The following GRID2 variants were observed in gnomAD, a reference collection of about 807,000 sequenced individuals.
GRID2 encodes glutamate receptor ionotropic, delta-2.
Under a neutral mutation model 114.8 loss-of-function variants are expected in GRID2, and 33 were observed. The observed-to-expected ratio is 0.29, with a 90% CI of 0.22 to 0.38. The LOEUF is 0.38. GRID2 is among the 10% of genes least tolerant of loss of function. GRID2 has a pLI of 1.00. For missense variants in GRID2, 1,184 were observed against 1,257.7 expected (o/e 0.94, Z 0.89); for synonymous variants, 505 against 449.9 (o/e 1.12, Z -1.55).
chr4:93,229,352 C>A (rs1441859055), intron 7 of GRID2, among the ~76,000 whole-genome samples: 1 of 152,080 alleles, frequency 6.6e-6, no homozygotes, highest in African/African-American at 2.4e-5. Flanking sequence ...GTGGCCTGGG[C>A]CTTTTTGTTG....
At chr4:92,362,420 T>A (rs1728659160) in intron 1 of GRID2, among the ~76,000 whole-genome samples, 1 of 152,052 alleles carries the variant, frequency 6.6e-6, no homozygotes. Context: ...ACAAGCTCTG[T>A]TTATTCCAAA....
intron 2 of GRID2, among the ~76,000 whole-genome samples, chr4:92,684,389 A>G (rs1733801999): frequency 6.6e-6 from 1 of 151,980 alleles, no homozygotes; most frequent in African/African-American, 2.4e-5. Context: ...TGTACAGTGT[A>G]ATTTTATTAC....
At chr4:92,961,828 A>G (rs925782789) in intron 2 of GRID2, among the ~76,000 whole-genome samples, 3 of 151,028 alleles carry the variant, frequency 2.0e-5, no homozygotes, top group Non-Finnish European at 4.4e-5. Context: ...GTTTTCTCAC[A>G]ATTCTTGGAT....
chr4:92,335,199 C>T (rs187035463), intron 1 of GRID2, among the ~76,000 whole-genome samples: 1 of 152,284 alleles, frequency 6.6e-6, no homozygotes, highest in Non-Finnish European at 1.5e-5. Flanking sequence ...TCAAGCTACA[C>T]CCTTTGCAGA....
chr4:92,776,875 A>G (rs1738828385), intron 2 of GRID2, among the ~76,000 whole-genome samples: 1 of 152,092 alleles, frequency 6.6e-6, no homozygotes, highest in African/African-American at 2.4e-5. Context: ...AACTAAAGAA[A>G]TGCTTTTTCT....
rs181514001 is a variant in GRID2 at position 93,589,240 on chromosome 4, C to T, written c.2194-37029C>T. Among the ~76,000 whole-genome samples the T allele has an allele frequency of 9.8e-3, 1,394 of 142,048 alleles. 6 individuals are homozygous for T. Among genetic ancestry groups the T allele is most frequent in the Non-Finnish European group, 0.016 (1,046 of 66,484 alleles). The allele number at this position is 142,048 out of a possible 152,430, so 93.2% of individuals were successfully genotyped here. ...CAACAGTCCCCAGTGTGTGATGTTC[C>T]CTTTCCTGTGTCCATGTGATCTCAC... On this transcript the variant is annotated intron_variant, in intron 13 of 15. Transcript: ENST00000282020.
intron 8 of GRID2, among the ~76,000 whole-genome samples, chr4:93,322,536 A>T (rs562125642): frequency 7.9e-4 from 121 of 152,280 alleles, no homozygotes; most frequent in Admixed American, 3.5e-3. Context: ...TAGCAGCATG[A>T]TTTATAATCC....
rs1387159606 is a variant in GRID2, at chr4:93,608,781, T to A, written c.2194-17488T>A. ...GTGCCGCAATAAACATACGGGTGCA[T>A]GTGTCTTTATAGCAGCATGATTTAT... On this transcript the variant is annotated intron_variant, in intron 13 of 15. Transcript: ENST00000282020. 1.5e-5 allele frequency among the ~76,000 whole-genome samples: 2 copies of A among 137,024 alleles called. 1 individual carries two copies. Among genetic ancestry groups the A allele is most frequent in the Non-Finnish European group, 3.2e-5 (2 of 61,756 alleles). 89.9% of individuals were successfully genotyped at this position (137,024 alleles called of 152,430 possible).
chr4:92,384,415 T>A (rs1729768248), intron 1 of GRID2, among the ~76,000 whole-genome samples: 1 of 94,294 alleles, frequency 1.1e-5, no homozygotes, highest in Non-Finnish European at 2.0e-5. Context: ...GAAAGAAGTG[T>A]ACCTGTGTGT....
At chr4:93,717,039 A>C (rs1266605255) in intron 14 of GRID2, among the ~76,000 whole-genome samples, 1 of 152,122 alleles carries the variant, frequency 6.6e-6, no homozygotes, top group South Asian at 2.1e-4. Flanking sequence ...ATCAGCTTCA[A>C]TAATTAAAAG....
intron 12 of GRID2, among the ~76,000 whole-genome samples, chr4:93,509,238 T>C (rs1391609464): frequency 6.6e-6 from 1 of 151,956 alleles, no homozygotes; most frequent in African/African-American, 2.4e-5. Context: ...CAGGTAGAAA[T>C]AACAAGGCTA....
intron 4 of GRID2, among the ~76,000 whole-genome samples, chr4:93,136,232 T>TTGTGTGTGTGTGTGTG (rs3970984): frequency 3.5e-5 from 5 of 142,282 alleles, no homozygotes; most frequent in African/African-American, 1.3e-4. Flanking sequence ...CCAACAGTTA[T>TTGTGTGTGTGTGTGTG]TGTGTGTGTG....
chr4:93,235,599 G>A (rs1307484548), intron 7 of GRID2, among the ~76,000 whole-genome samples: 2 of 152,208 alleles, frequency 1.3e-5, no homozygotes, highest in East Asian at 1.9e-4. Flanking sequence ...TTATTTGCTC[G>A]AAATACTGAC....
At chr4:92,916,526 A>G (rs751926445) in intron 2 of GRID2, among the ~76,000 whole-genome samples, 11 of 151,814 alleles carry the variant, frequency 7.2e-5, no homozygotes, top group Non-Finnish European at 1.2e-4. Context: ...CCACCCCACA[A>G]CAGGCCCTCG....
intron 1 of GRID2, among the ~76,000 whole-genome samples, chr4:92,432,000 A>T (rs1732481021): frequency 6.6e-6 from 1 of 152,236 alleles, no homozygotes; most frequent in South Asian, 2.1e-4. Flanking sequence ...ACTTGTAGAG[A>T]TACCACTTTG....
intron 8 of GRID2, among the ~76,000 whole-genome samples, chr4:93,257,414 A>C (rs1181876500): frequency 6.6e-6 from 1 of 151,762 alleles, no homozygotes; most frequent in Non-Finnish European, 1.5e-5. Flanking sequence ...GAAAACCAAA[A>C]ATTTATTGAT....
At chr4:92,694,857 C>T (rs909894335) in intron 2 of GRID2, among the ~76,000 whole-genome samples, 1 of 152,186 alleles carries the variant, frequency 6.6e-6, no homozygotes, top group Non-Finnish European at 1.5e-5. Flanking sequence ...GTCTGTCAAA[C>T]ATTCAGTAAA....
At chr4:92,464,460 T>C (rs1352674363) in intron 1 of GRID2, among the ~76,000 whole-genome samples, 1 of 152,118 alleles carries the variant, frequency 6.6e-6, no homozygotes, top group Non-Finnish European at 1.5e-5. Flanking sequence ...CTTTTTGCTC[T>C]ACCCACTTTA....
intron 14 of GRID2, among the ~76,000 whole-genome samples, chr4:93,726,627 TTCTTCCATTTGTTTGTATCC>T (rs1465596333): frequency 4.6e-5 from 7 of 152,242 alleles, no homozygotes; most frequent in African/African-American, 1.7e-4. Flanking sequence ...GCATGGAATG[TTCTTCCATTTGTTTGTATCC>T]TCTTTTATCT....
Sources: gnomAD v4.1 joint callset for allele counts (sites outside exome capture counted in the v4.1 genomes callset) on GRCh38, gnomAD v4.1.1 for gene constraint, MANE v1.5 for transcripts, NCBI Gene and HGNC (gene_info 2026-07-23, HGNC 2026-07-21) for gene names.